ASB14: variants seen among roughly 807,000 people sequenced by gnomAD.
ASB14 encodes the protein ankyrin repeat and SOCS box containing 14.
In ASB14, 63 loss-of-function variants were observed where a neutral mutation model predicts 55.6. The ratio of observed to expected loss-of-function variants is 1.13; its 90% CI spans 0.92 to 1.40. The LOEUF (loss-of-function observed/expected upper bound fraction) is 1.40. ASB14 is among the 40% of genes most tolerant of loss of function. ASB14 has a pLI of 0.00. For missense variants in ASB14, 724 were observed against 710.4 expected (o/e 1.02, Z -0.22); for synonymous variants, 256 against 259.9 (o/e 0.98, Z 0.15).
intron 10 of ASB14, among the ~76,000 whole-genome samples, chr3:57,274,543 T>C (rs1164670021): frequency 6.6e-6 from 1 of 152,028 alleles, no homozygotes; most frequent in Non-Finnish European, 1.5e-5. Flanking sequence ...AAAAATTAGC[T>C]GGGTGTGGTG....
intron 10 of ASB14, among the ~76,000 whole-genome samples, chr3:57,274,580 G>A (rs1395394689): frequency 2.6e-5 from 4 of 152,144 alleles, no homozygotes; most frequent in African/African-American, 9.7e-5. Flanking sequence ...CCAGCTACTC[G>A]GGAGGCTGAG....
chr3:57,283,063 C>T, intron 6 of ASB14, 131 bp downstream of exon 6: 1 of 1,282,232 alleles, frequency 7.8e-7, no homozygotes, highest in Admixed American at 2.6e-5. Flanking sequence ...CACTATTAAC[C>T]CATAATTTTT....
At chr3:57,271,723 T>C (rs1328954835) in intron 10 of ASB14, 1 of 152,240 alleles carries the variant, frequency 6.6e-6, no homozygotes, top group East Asian at 1.9e-4. Context: ...GTTAAGGCAC[T>C]GGCAGACTTA....
chr3:57,277,882 G>A lies in ASB14; in HGVS notation c.1470C>T (p.Leu490=). 2 of 1,613,892 alleles carry A rather than the reference G, an allele frequency of 1.2e-6. No individual in the cohort carries two copies. The highest frequency in any genetic ancestry group is 1.7e-6 in the Non-Finnish European group (2 of 1,179,872). ...GCATCACTCGAACAACCTTTCCAGAGAGATGTTGCAGCCATGACAAAGTTA... is the reference window on the plus strand; with the variant it reads ...GCATCACTCGAACAACCTTTCCAGAAAGATGTTGCAGCCATGACAAAGTTA... ...EVITLSWLQH[L]SGKVVRVMLD... Residue 490 remains leucine, a synonymous_variant, in exon 9 of 11, where the codon CTC becomes CTT. Coordinates refer to ENST00000487349, the MANE Select transcript of ASB14 (RefSeq NM_001142733.3).
rs773474708 is a variant in ASB14, at chr3:57,289,165, G to GA, written c.123-43dup. 8 of 1,308,446 alleles carry GA rather than the reference G, an allele frequency of 6.1e-6. No homozygotes were observed. In the African/African-American group the frequency reaches 7.3e-5, roughly 12 times the overall value. 81.1% of individuals were successfully genotyped at this position (1,308,446 alleles called of 1,614,324 possible). ...ACATATGTAATTCCAAAACTGAGGAGAAAAAACTGTTATCTGATATAAATC... is the reference window on the plus strand; with the variant it reads ...ACATATGTAATTCCAAAACTGAGGAGAAAAAAACTGTTATCTGATATAAATC... On this transcript the variant is annotated intron_variant, in intron 2 of 10. Coordinates refer to ENST00000487349, the MANE Select transcript of ASB14 (RefSeq NM_001142733.3).
At chr3:57,273,559 T>C (rs369538699) in intron 10 of ASB14, 1 of 152,572 alleles carries the variant, frequency 6.6e-6, no homozygotes, top group South Asian at 2.1e-4. Context: ...CATTATAAAT[T>C]ATACAGCTAG....
intron 7 of ASB14, among the ~76,000 whole-genome samples, chr3:57,279,420 G>A (rs921800522): frequency 6.6e-6 from 1 of 151,618 alleles, no homozygotes; most frequent in African/African-American, 2.4e-5. Context: ...TATGTTTAGG[G>A]CTGGGGGTGG....
chr3:57,284,428 C>T (rs1475329319), intron 5 of ASB14, among the ~76,000 whole-genome samples: 1 of 152,206 alleles, frequency 6.6e-6, no homozygotes, highest in Non-Finnish European at 1.5e-5. Context: ...TAATCTCAGC[C>T]AGCACTATAT....
Position 57,268,493 on chromosome 3 carries a change from C to G in ASB14, c.*1148G>C. ...AACAAAAACAGATTGAAAAGGTATA[C>G]AGTCCTAATGTCTGGATCTTTATGT... On this transcript the variant is annotated 3_prime_UTR_variant, in exon 11 of 11. Transcript: ENST00000487349. The G allele has an allele frequency of 6.2e-7, 1 of 1,600,222 alleles. No homozygotes were observed. The highest frequency in any genetic ancestry group is 8.5e-7 in the Non-Finnish European group (1 of 1,175,424).
intron 5 of ASB14, among the ~76,000 whole-genome samples, chr3:57,284,793 T>C (rs2061067738): frequency 6.6e-6 from 1 of 152,188 alleles, no homozygotes; most frequent in South Asian, 2.1e-4. Flanking sequence ...TGCTTTATGG[T>C]TTATGCGTGC....
At chr3:57,289,778 G>C (rs1009959511) in intron 2 of ASB14, among the ~76,000 whole-genome samples, 2 of 139,168 alleles carry the variant, frequency 1.4e-5, no homozygotes, top group Non-Finnish European at 3.1e-5. Flanking sequence ...CTGCAGAGTA[G>C]CTGGGACTAC....
chr3:57,271,481 C>T (rs1244788829), intron 10 of ASB14: 3 of 152,344 alleles, frequency 2.0e-5, no homozygotes, highest in Non-Finnish European at 4.4e-5. Flanking sequence ...CTGTTGCCAG[C>T]ATTTAAGTAG....
chr3:57,279,591 A>C (rs1345344420), intron 7 of ASB14, among the ~76,000 whole-genome samples: 1 of 151,522 alleles, frequency 6.6e-6, no homozygotes, highest in Non-Finnish European at 1.5e-5. Context: ...CCAGCTACTC[A>C]GGAGGCTGAG....
intron 7 of ASB14, 116 bp from the exon 8 acceptor site, chr3:57,279,036 C>T (rs1363117039): frequency 1.0e-6 from 1 of 959,096 alleles, no homozygotes; most frequent in East Asian, 2.6e-5. Flanking sequence ...GCATTTAGAA[C>T]CCACAACCAA....
rs776509842 is a variant in ASB14, at chr3:57,268,371, C to T, written c.*1270G>A. The T allele has an allele frequency of 2.0e-6, 3 of 1,491,480 alleles. No homozygotes were observed. In the African/African-American group the frequency reaches 4.2e-5, roughly 21 times the overall value. The allele number at this position is 1,491,480 out of a possible 1,614,324, so 92.4% of individuals were successfully genotyped here. A position where few individuals can be genotyped will look rare whatever the true frequency, so the allele number is the denominator to read the frequency against. On this transcript the variant is annotated 3_prime_UTR_variant, in exon 11 of 11. Transcript: ENST00000487349. ...ATTTAAAGTTATTTCATATTTAATT[C>T]ATTAGTTTTATTCATCTGTTCTTTA... is the stretch of plus-strand genomic sequence containing the variant.
Position 57,276,731 on chromosome 3 carries a change from A to C in ASB14, c.1586-3T>G. 2 of 1,604,170 alleles carry C rather than the reference A, an allele frequency of 1.2e-6. No individual in the cohort carries two copies. Among genetic ancestry groups the C allele is most frequent in the Non-Finnish European group, 1.7e-6 (2 of 1,176,580 alleles). ...ATGTTTTAGGGAGCGAGGGTTTGCT[A>C]AAAAGAAAAGGCACATTATCCAAAG... On this transcript the variant is annotated splice_polypyrimidine_tract_variant and splice_region_variant and intron_variant, in intron 9 of 10. Transcript: ENST00000487349.
chr3:57,279,573 C>G (rs966470863), intron 7 of ASB14, among the ~76,000 whole-genome samples: 15 of 151,980 alleles, frequency 9.9e-5, no homozygotes, highest in Admixed American at 8.5e-4. Context: ...TGGTGCCCAC[C>G]TGTAGTCCCA....
At position 57,268,812 on chromosome 3, in the gene ASB14, G is replaced by C. The variant is rs2060913632; in HGVS notation, c.*829C>G. The C allele has an allele frequency of 6.1e-6, 1 of 162,848 alleles. No homozygotes were observed. Among genetic ancestry groups the C allele is most frequent in the Non-Finnish European group, 1.3e-5 (1 of 75,400 alleles). 10.1% of individuals were successfully genotyped at this position (162,848 alleles called of 1,614,324 possible). ...CTGAAAGCCATTTTGCCTTCTATGG[G>C]GGGGAAATAAATAAATATATATGTT... On this transcript the variant is annotated 3_prime_UTR_variant, in exon 11 of 11. Coordinates refer to ENST00000487349, the MANE Select transcript of ASB14 (RefSeq NM_001142733.3).
At position 57,292,116 on chromosome 3, in the gene ASB14, T is replaced by C; in HGVS notation, c.-71-12A>G. The C allele has an allele frequency of 7.9e-7, 1 of 1,261,030 alleles. No homozygotes were observed. Among genetic ancestry groups the C allele is most frequent in the Non-Finnish European group, 1.0e-6 (1 of 979,658 alleles). The allele number at this position is 1,261,030 out of a possible 1,614,324, so 78.1% of individuals were successfully genotyped here. ...TGTGAAGAGATCAACTGCTTAAAAT[T>C]ACAAATGAAATTCAGAAATCTAGAA... On this transcript the variant is annotated splice_polypyrimidine_tract_variant and intron_variant, in intron 1 of 10. Transcript: ENST00000487349.
Sources: allele counts gnomAD v4.1 joint callset (sites outside exome capture counted in the v4.1 genomes callset), GRCh38; gene constraint gnomAD v4.1.1; transcripts MANE v1.5; gene names NCBI Gene and HGNC (gene_info 2026-07-23, HGNC 2026-07-21).